The following EDIL3 variants were observed in gnomAD, a reference collection of about 807,000 sequenced individuals.
EDIL3 encodes the protein EGF like and discoidin domains 3.
Under a neutral mutation model 67.4 loss-of-function variants are expected in EDIL3, and 37 were observed. That is an observed-to-expected ratio of 0.55 (90% CI 0.42 to 0.72). The LOEUF (loss-of-function observed/expected upper bound fraction) is 0.72. Ranked by LOEUF, EDIL3 falls within the 30% of genes least tolerant of loss-of-function variation. The pLI is 0.00. For missense variants in EDIL3, 527 were observed against 586.3 expected, an observed-to-expected ratio of 0.90 and a Z score of 1.04; for synonymous variants, 195 against 196.3, an observed-to-expected ratio of 0.99 and a Z score of 0.05.
intron 6 of EDIL3, among the ~76,000 whole-genome samples, chr5:84,092,125 G>A (rs1174177769): frequency 1.3e-5 from 2 of 152,066 alleles, no homozygotes; most frequent in Admixed American, 6.5e-5. Context: ...ATATCAAGAC[G>A]GAACCAGAGT....
In EDIL3 at chr5:84,031,795, A is replaced by G. The variant is rs967058899; in HGVS notation, c.1137+28505T>C. Among the ~76,000 whole-genome samples the G allele has an allele frequency of 3.3e-5, 5 of 152,238 alleles. No individual in the cohort carries two copies. The East Asian group carries it at 7.7e-4, about 23-fold the overall frequency. The stretch of plus-strand genomic sequence containing the variant: ...TTGTTATAGCAGCCCAAACTGACAA[A>G]GACACCAGACAAGCTCTAACTAAAA... On this transcript the variant is annotated intron_variant, in intron 9 of 10. Coordinates refer to ENST00000296591, the MANE Select transcript of EDIL3 (RefSeq NM_005711.5).
At chr5:84,073,441 G>A (rs1746785158) in intron 6 of EDIL3, among the ~76,000 whole-genome samples, 1 of 151,978 alleles carries the variant, frequency 6.6e-6, no homozygotes, top group African/African-American at 2.4e-5. Flanking sequence ...TGTATACCTA[G>A]AAAACCCCAT....
At chr5:84,018,088 G>T in intron 9 of EDIL3, among the ~76,000 whole-genome samples, 1 of 152,136 alleles carries the variant, frequency 6.6e-6, no homozygotes, top group East Asian at 1.9e-4. Context: ...TCCCTCCTCA[G>T]CTCTGAAGTC....
intron 9 of EDIL3, among the ~76,000 whole-genome samples, chr5:83,980,873 A>G (rs1257036329): frequency 2.0e-5 from 3 of 151,806 alleles, no homozygotes; most frequent in Non-Finnish European, 4.4e-5. Context: ...AATGAAATTA[A>G]GAAAACAATT....
intron 1 of EDIL3, among the ~76,000 whole-genome samples, chr5:84,328,586 A>G (rs1056197055): frequency 2.0e-5 from 3 of 152,088 alleles, no homozygotes; most frequent in Admixed American, 6.6e-5. Context: ...ATATTATTAT[A>G]AATGGCTCTA....
At chr5:84,148,298 T>C (rs1232771347) in intron 4 of EDIL3, among the ~76,000 whole-genome samples, 1 of 152,164 alleles carries the variant, frequency 6.6e-6, no homozygotes, top group Non-Finnish European at 1.5e-5. Context: ...AGTAAATAAA[T>C]GGGTAGAATT....
At chr5:84,183,150 C>T (rs1332057659) in intron 3 of EDIL3, among the ~76,000 whole-genome samples, 1 of 152,066 alleles carries the variant, frequency 6.6e-6, no homozygotes, top group Non-Finnish European at 1.5e-5. Context: ...CTCATTTATT[C>T]TTTACTATAA....
chr5:84,205,104 T>C (rs1580375837), intron 3 of EDIL3, among the ~76,000 whole-genome samples: 4 of 148,852 alleles, frequency 2.7e-5, no homozygotes, highest in African/African-American at 7.5e-5. Flanking sequence ...TTTGTAGAGA[T>C]AGGGTCTCAC....
At chr5:84,331,975 G>A (rs561958995) in intron 1 of EDIL3, among the ~76,000 whole-genome samples, 12 of 152,220 alleles carry the variant, frequency 7.9e-5, no homozygotes, top group South Asian at 4.2e-4. Flanking sequence ...CATTCATCCC[G>A]TTAGAAAACA....
At chr5:84,084,152 G>A (rs1056402223) in intron 6 of EDIL3, among the ~76,000 whole-genome samples, 1 of 152,106 alleles carries the variant, frequency 6.6e-6, no homozygotes, top group Non-Finnish European at 1.5e-5. Context: ...TGAAATTTAG[G>A]AGGGAAAATA....
chr5:84,331,768 G>A (rs576103409), intron 1 of EDIL3, among the ~76,000 whole-genome samples: 285 of 151,930 alleles, frequency 1.9e-3, no homozygotes, highest in Middle Eastern at 3.4e-3. Context: ...TTTAATACTG[G>A]GATCAACTTT....
rs2088053378 is a variant in EDIL3, at chr5:84,156,830, A to G, written c.356-19476T>C. ...TCTTGGTCCCAGAGTTTGTTCAGGA[A>G]AGCCTCAGGAGAAGTAATTCTTTTT... On this transcript the variant is annotated intron_variant, in intron 4 of 10. Transcript: ENST00000296591. Among the ~76,000 whole-genome samples, 3 of 152,142 alleles carry G rather than the reference A, an allele frequency of 2.0e-5. No individual in the cohort carries two copies. In the South Asian group the frequency reaches 6.2e-4, roughly 31 times the overall value.
intron 6 of EDIL3, among the ~76,000 whole-genome samples, chr5:84,105,063 C>G (rs1747434233): frequency 6.6e-6 from 1 of 152,028 alleles, no homozygotes; most frequent in Non-Finnish European, 1.5e-5. Flanking sequence ...CACAGTCCTA[C>G]AAATGCATTT....
chr5:84,089,748 TA>T (rs1309680043), intron 6 of EDIL3, among the ~76,000 whole-genome samples: 1 of 152,184 alleles, frequency 6.6e-6, no homozygotes, highest in African/African-American at 2.4e-5. Flanking sequence ...TTTATCCTCC[TA>T]TTACCCCTAC....
intron 4 of EDIL3, among the ~76,000 whole-genome samples, chr5:84,149,148 G>A (rs78062000): frequency 2.3e-4 from 35 of 152,200 alleles, no homozygotes; most frequent in East Asian, 2.1e-3. Context: ...GAGAGTCGAC[G>A]GAGGCTAGTG....
chr5:84,048,321 G>T (rs1354046857), intron 9 of EDIL3: 1 of 408,184 alleles, frequency 2.4e-6, no homozygotes, highest in African/African-American at 2.1e-5. Flanking sequence ...CTTTAATGAA[G>T]TTATAAATTT....
At chr5:83,981,142 T>C (rs1270062288) in intron 9 of EDIL3, among the ~76,000 whole-genome samples, 1 of 152,118 alleles carries the variant, frequency 6.6e-6, no homozygotes, top group Non-Finnish European at 1.5e-5. Context: ...AAACTGATCC[T>C]GAAATTCATA....
intron 3 of EDIL3, among the ~76,000 whole-genome samples, chr5:84,221,844 G>A (rs1238082123): frequency 6.6e-6 from 1 of 151,912 alleles, no homozygotes; most frequent in African/African-American, 2.4e-5. Flanking sequence ...ATGTATTTAT[G>A]TATAAAACAA....
chr5:84,291,330 C>T (rs1745909775), intron 1 of EDIL3, among the ~76,000 whole-genome samples: 1 of 152,004 alleles, frequency 6.6e-6, no homozygotes, highest in Non-Finnish European at 1.5e-5. Flanking sequence ...AATGCACAAC[C>T]GGTTTGCCTG....
Sources: gnomAD v4.1 joint callset for allele counts (sites outside exome capture counted in the v4.1 genomes callset) on GRCh38, gnomAD v4.1.1 for gene constraint, MANE v1.5 for transcripts, NCBI Gene and HGNC (gene_info 2026-07-23, HGNC 2026-07-21) for gene names.